The following TAF6 variants were observed in gnomAD, a reference collection of about 807,000 sequenced individuals.
TAF6 encodes the protein TATA-box binding protein associated factor 6.
A neutral mutation model predicts 73.5 loss-of-function variants in TAF6; 50 were observed. That is an observed-to-expected ratio of 0.68 (90% confidence interval 0.54 to 0.86). The LOEUF is 0.86. Ranked by LOEUF, TAF6 falls within the 40% of genes least tolerant of loss-of-function variation. TAF6 has a pLI of 0.00. For missense variants in TAF6, 768 were observed against 899.5 expected (o/e 0.85, Z 1.87); for synonymous variants, 424 against 376.7 (o/e 1.13, Z -1.45).
At position 100,108,425 on chromosome 7, in the gene TAF6, C is replaced by A; in HGVS notation, c.1400G>T (p.Arg467Leu). The A allele has an allele frequency of 6.2e-7, 1 of 1,613,792 alleles. No homozygotes were observed. Among genetic ancestry groups the A allele is most frequent in the South Asian group, 1.1e-5 (1 of 91,066 alleles). Residue 467 changes from arginine to leucine, a missense_variant, in exon 13 of 15, where the codon CGG becomes CTG. Arg to Leu is a moderately radical substitution (Grantham distance 102). Coordinates refer to ENST00000453269, the MANE Select transcript of TAF6 (RefSeq NM_139315.3). ...PLLCSQVVKA[R>L]AQAALQAQQV... ...CTGAGCCTGCAGAGCAGCCTGGGCC[C>A]GAGCCTTGACCACCTGGGAGCAGAG...
intron 7 of TAF6, 54 bp from the exon 8 acceptor site, chr7:100,112,053 T>C (rs1027090777): frequency 3.0e-5 from 49 of 1,613,668 alleles, no homozygotes; most frequent in East Asian, 2.0e-4. Flanking sequence ...GAGCAATTCA[T>C]AGGGCCCCCA....
In TAF6 at chr7:100,107,360, G is replaced by T; in HGVS notation, c.1920C>A (p.Gly640=). The change falls in exon 15 of 15, where the codon GGC becomes GGA. Residue 640 remains glycine (G), a synonymous_variant. Transcript: ENST00000453269. The stretch of plus-strand genomic sequence containing the variant: ...CCTGCTTCCCCCCACAAAGGGCACT[G>T]CCGCTGAGTGGGGACGGGGACGATG... The part of the protein sequence containing the change: ...PPASSPSPLS[G]SALCGGKQEA... 1 of 1,569,946 alleles carries T rather than the reference G, an allele frequency of 6.4e-7. No individual in the cohort carries two copies.
At position 100,110,090 on chromosome 7, in the gene TAF6, G is replaced by A. The variant is rs762313591; in HGVS notation, c.1159-17C>T. ...CTTGATAACCTGTTAGAAGGGAAAA[G>A]GACAAGCAAAAGCCGGAGGGTCACC... On this transcript the variant is annotated splice_polypyrimidine_tract_variant and intron_variant, in intron 11 of 14. Transcript: ENST00000453269. 8.1e-6 allele frequency: 13 copies of A among 1,613,856 alleles called. No homozygotes were observed. In the African/African-American group the frequency reaches 1.5e-4, roughly 18 times the overall value.
At position 100,107,234 on chromosome 7, in the gene TAF6, G is replaced by C; in HGVS notation, c.*12C>G. On this transcript the variant is annotated 3_prime_UTR_variant, in exon 15 of 15. Transcript: ENST00000453269. ...TGCATGTGTGGGAATCCGGGGGCTG[G>C]CAGGTGGAGCATCACGGAGCAGGCT... The C allele has an allele frequency of 6.6e-7, 1 of 1,521,184 alleles. No homozygotes were observed. The allele number at this position is 1,521,184 out of a possible 1,614,324, so 94.2% of individuals were successfully genotyped here.
At chr7:100,119,720 G>A (rs374412348), upstream of TAF6, 24 of 1,613,944 alleles carry the variant, frequency 1.5e-5, no homozygotes, top group African/African-American at 1.7e-4. Flanking sequence ...GGCAAGCGGT[G>A]ATTGTTTGTA....
At chr7:100,119,364 TG>T, upstream of TAF6, 1 of 1,043,444 alleles carries the variant, frequency 9.6e-7, no homozygotes, top group South Asian at 3.2e-5. Context: ...CGCCCCCTCG[TG>T]GGAGCAGGTC....
At chr7:100,125,017 C>T in the TAF6 span, 1 of 1,106,318 alleles carries the variant, frequency 9.0e-7, no homozygotes, top group Non-Finnish European at 1.3e-6. Flanking sequence ...CTGTTCTCTC[C>T]CATCTAACCT....
At chr7:100,117,916 ACCTATAGT>A (rs1201987570) in intron 1 of TAF6, among the ~76,000 whole-genome samples, 1 of 151,856 alleles carries the variant, frequency 6.6e-6, no homozygotes, top group Non-Finnish European at 1.5e-5. Context: ...GGTGGCAGGC[ACCTATAGT>A]CCCTGCTACT....
chr7:100,110,249 C>G lies in TAF6; in HGVS notation c.1109G>C (p.Trp370Ser). The G allele has an allele frequency of 6.2e-7, 1 of 1,614,142 alleles. No individual in the cohort carries two copies. Among genetic ancestry groups the G allele is most frequent in the Non-Finnish European group, 8.5e-7 (1 of 1,180,000 alleles). ...TKSWVDEKTP[W>S]TTRYGSIAGL... ...TGCGATGGAGCCATAACGAGTCGTCCAGGGCGTCTTCTCGTCCACCCAGCT... is the reference window on the plus strand; with the variant it reads ...TGCGATGGAGCCATAACGAGTCGTCGAGGGCGTCTTCTCGTCCACCCAGCT... Residue 370 changes from tryptophan to serine, a missense_variant, in exon 11 of 15, where the codon TGG (tryptophan) becomes TCG (serine). Trp to Ser is a radical substitution (Grantham distance 177). Coordinates refer to ENST00000453269, the MANE Select transcript of TAF6 (RefSeq NM_139315.3).
chr7:100,123,548 T>G (rs999895040), upstream of TAF6, among the ~76,000 whole-genome samples: 1 of 151,948 alleles, frequency 6.6e-6, no homozygotes, highest in Non-Finnish European at 1.5e-5. Flanking sequence ...AAGACGGAGT[T>G]TCACTCTTAT....
rs774691538 is a variant in TAF6, at chr7:100,111,118, G to A, written c.1083+21C>T. The A allele has an allele frequency of 2.5e-6, 4 of 1,608,490 alleles. No homozygotes were observed. The South Asian group carries it at 3.3e-5, about 13-fold the overall frequency. Reference sequence around the variant, plus strand: ...GGTGGCCAGTGATGAAGCAAATGACGCTCAAGTTTTCCTGGCTCACCTTGG... The same window carrying A: ...GGTGGCCAGTGATGAAGCAAATGACACTCAAGTTTTCCTGGCTCACCTTGG... On this transcript the variant is annotated intron_variant, in intron 10 of 14. Coordinates refer to ENST00000453269, the MANE Select transcript of TAF6 (RefSeq NM_139315.3).
At chr7:100,119,438 G>T (rs531843620), upstream of TAF6, 2 of 1,253,532 alleles carry the variant, frequency 1.6e-6, no homozygotes, top group Admixed American at 4.2e-5. Context: ...CTCTAGGCTC[G>T]CAGAATGAAA....
At chr7:100,119,573 C>T, upstream of TAF6, 2 of 1,439,376 alleles carry the variant, frequency 1.4e-6, no homozygotes, top group East Asian at 2.5e-5. Context: ...AAAACGGAGG[C>T]AGGGAAACCC....
rs781768797 is a variant in TAF6 at position 100,108,352 on chromosome 7, C to T, written c.1458+15G>A. 13 of 1,589,120 alleles carry T rather than the reference C, an allele frequency of 8.2e-6. No individual in the cohort carries two copies. The highest frequency in any genetic ancestry group is 1.1e-5 in the South Asian group (1 of 89,706). The stretch of plus-strand genomic sequence containing the variant: ...TCTGCTTCCTCCTATTCCTCCTCCC[C>T]ACCCGGCCACGGACCTGCGTGATGG... On this transcript the variant is annotated intron_variant, in intron 13 of 14. Coordinates refer to ENST00000453269, the MANE Select transcript of TAF6 (RefSeq NM_139315.3).
At chr7:100,120,499 C>G (rs956036789), upstream of TAF6, 1 of 152,320 alleles carries the variant, frequency 6.6e-6, no homozygotes, top group African/African-American at 2.4e-5. Context: ...CCCTAGTTTG[C>G]TGCCCTCCTG....
At chr7:100,121,114 ATATTTTTTTTTTTTTTTTTTTT>A (rs1319881406), upstream of TAF6, 1 of 31,162 alleles carries the variant, frequency 3.2e-5, no homozygotes, top group Non-Finnish European at 5.5e-5. Flanking sequence ...ATATATATAT[ATATTTTTTTTTTTTTTTTTTTT>A]TTTTTTTTTT....
intron 1 of TAF6, chr7:100,118,668 A>C: frequency 5.1e-6 from 1 of 195,950 alleles, no homozygotes; most frequent in Non-Finnish European, 9.2e-6. Context: ...AAAAAAAAAC[A>C]AAAAAAAATT....
chr7:100,109,401 G>A (rs1307991999), intron 12 of TAF6, among the ~76,000 whole-genome samples: 1 of 152,122 alleles, frequency 6.6e-6, no homozygotes, highest in African/African-American at 2.4e-5. Context: ...GTGGCAGGAT[G>A]GTTAATCAAG....
rs1238681981 is a variant in TAF6 at position 100,108,065 on chromosome 7, A to G, written c.1517T>C (p.Leu506Ser). 1 of 1,612,724 alleles carries G rather than the reference A, an allele frequency of 6.2e-7. No homozygotes were observed. Among genetic ancestry groups the G allele is most frequent in the African/African-American group, 1.3e-5 (1 of 75,000 alleles). The change falls in exon 14 of 15, where the codon TTG becomes TCG. Residue 506 changes from leucine to serine, a missense_variant. By Grantham distance (145) the Leu-to-Ser change is moderately radical (BLOSUM62 -2). This residue lies in a region of TAF6 where 350 missense variants were observed against 352.3 expected (regional missense o/e 0.99). Coordinates refer to ENST00000453269, the MANE Select transcript of TAF6 (RefSeq NM_139315.3). ...APQPGPRTPG[L>S]LKVPGSIALP... is the part of the protein sequence containing the mutation. The stretch of plus-strand genomic sequence containing the variant: ...TGCGATGGAGCCAGGAACCTTCAGC[A>G]AGCCAGGGGTGCGAGGGCCAGGCTG...
Sources: allele counts gnomAD v4.1 joint callset (sites outside exome capture counted in the v4.1 genomes callset), GRCh38; gene constraint gnomAD v4.1.1; regional missense constraint gnomAD v4.1.1; transcripts MANE v1.5; gene names NCBI Gene and HGNC (gene_info 2026-07-23, HGNC 2026-07-21).